COL5A1: variants seen among roughly 807,000 people sequenced by gnomAD.
COL5A1 encodes the protein collagen type V alpha 1 chain.
COL5A1 carries 16 observed loss-of-function variants against 263.7 expected under a neutral mutation model. The ratio of observed to expected loss-of-function variants is 0.06; its 90% CI spans 0.04 to 0.09. The LOEUF (loss-of-function observed/expected upper bound fraction) is 0.09, where lower values mean the gene tolerates loss of function less well. Ranked by LOEUF, COL5A1 falls within the 10% of genes least tolerant of loss-of-function variation. COL5A1 has a pLI of 1.00. For synonymous variants in COL5A1, 1,012 were observed against 1,004.5 expected (o/e 1.01, Z -0.14); for missense variants, 2,036 against 2,540.5 (o/e 0.80, Z 4.27).
At chr9:134,796,575 T>C (rs1837917358) in intron 35 of COL5A1, among the ~76,000 whole-genome samples, 157 bp downstream of exon 35, 1 of 152,132 alleles carries the variant, frequency 6.6e-6, no homozygotes, top group Non-Finnish European at 1.5e-5. Context: ...GGTCACGCCC[T>C]GGGAGTGAAC....
rs1258365567 is a variant in COL5A1 at position 134,742,895 on chromosome 9, A to G, written c.1494+4087A>G. 6.6e-6 allele frequency among the ~76,000 whole-genome samples: 1 copy of G among 152,146 alleles called. No individual in the cohort carries two copies. Among genetic ancestry groups the G allele is most frequent in the Admixed American group, 6.5e-5 (1 of 15,282 alleles). On this transcript the variant is annotated intron_variant, in intron 11 of 65. Coordinates refer to ENST00000371817, the MANE Select transcript of COL5A1 (RefSeq NM_000093.5). This position sits in a 1 kb window ranked among gnomAD's most constrained non-coding sequence, Gnocchi z 4.6. ...CTGGGCTCCTCGGGCAGGTGGGGGAAGGAGAGGGCTGGGGACCATCAGTAA... is the reference window on the plus strand; with the variant it reads ...CTGGGCTCCTCGGGCAGGTGGGGGAGGGAGAGGGCTGGGGACCATCAGTAA...
At chr9:134,839,555 C>A (rs1006938709) in intron 65 of COL5A1, among the ~76,000 whole-genome samples, 1 of 152,188 alleles carries the variant, frequency 6.6e-6, no homozygotes, top group African/African-American at 2.4e-5. Context: ...CGGGCAGCGC[C>A]CTGCTGGCTT....
intron 7 of COL5A1, among the ~76,000 whole-genome samples, chr9:134,730,957 G>A (rs551285569): frequency 1.5e-3 from 233 of 152,328 alleles, no homozygotes; most frequent in African/African-American, 5.1e-3. Context: ...AGCTCTGCCC[G>A]AGACCTTGGA....
intron 4 of COL5A1, among the ~76,000 whole-genome samples, chr9:134,721,042 G>A (rs1834430982): frequency 6.6e-6 from 1 of 152,138 alleles, no homozygotes; most frequent in Non-Finnish European, 1.5e-5. Context: ...TTCCGCGGGT[G>A]TCACCTGCTG....
chr9:134,694,845 G>GCAC (rs1351606177), intron 2 of COL5A1, among the ~76,000 whole-genome samples: 2 of 152,254 alleles, frequency 1.3e-5, no homozygotes, highest in African/African-American at 4.8e-5. Context: ...TCGCCTCACG[G>GCAC]TGAGGTGGCC....
Position 134,765,704 on chromosome 9 carries a change from G to T in COL5A1, c.2058G>T (p.Pro686=). The stretch of plus-strand genomic sequence containing the variant: ...AGGGGCCACGTGGTCTGCTTGGGCC[G>T]AAGGGGCCCCCAGGTCCTCCCGGAC... ...GEPGPRGLLG[P]KGPPGPPGPP... Residue 686 remains proline, a synonymous_variant, in exon 21 of 66, where the codon CCG becomes CCT. Transcript: ENST00000371817. The surrounding 1 kb of genome is among the most constrained non-coding windows in gnomAD (Gnocchi z 5.1). The T allele has an allele frequency of 6.2e-7, 1 of 1,613,570 alleles. No homozygotes were observed. Among genetic ancestry groups the T allele is most frequent in the Non-Finnish European group, 8.5e-7 (1 of 1,179,676 alleles).
intron 5 of COL5A1, 69 bp downstream of exon 5, chr9:134,727,466 CAT>C (rs1834704696): frequency 6.4e-7 from 1 of 1,560,580 alleles, no homozygotes; most frequent in Non-Finnish European, 8.8e-7. Flanking sequence ...TGAAGAGACA[CAT>C]AAGCCATGGG....
chr9:134,708,734 T>C (rs374870099), intron 4 of COL5A1: 1 of 497,506 alleles, frequency 2.0e-6, no homozygotes. Context: ...CTCTGCATGA[T>C]CTCCTGGGAC....
Position 134,716,458 on chromosome 9 carries a change from CAA to C in COL5A1, c.655-10807_655-10806del, listed in dbSNP as rs2132610868. 6.6e-6 allele frequency among the ~76,000 whole-genome samples: 1 copy of C among 152,212 alleles called. No individual in the cohort carries two copies. The highest frequency in any genetic ancestry group is 2.4e-5 in the African/African-American group (1 of 41,504). ...TCTGCAGGCCCGCTGCTCCGAAAGT[CAA>C]GATGTGGAGAAGGAGCAGCTCAAGC... On this transcript the variant is annotated intron_variant, in intron 4 of 65. Coordinates refer to ENST00000371817, the MANE Select transcript of COL5A1 (RefSeq NM_000093.5). The surrounding 1 kb of genome is among the most constrained non-coding windows in gnomAD (Gnocchi z 4.5).
chr9:134,816,018 G>A, intron 52 of COL5A1, 30 bp downstream of exon 52: 1 of 1,611,714 alleles, frequency 6.2e-7, no homozygotes, highest in Non-Finnish European at 8.5e-7. Context: ...TGGCTTCCTG[G>A]TGGAGGTGTC....
At chr9:134,719,656 A>G (rs1159245463) in intron 4 of COL5A1, among the ~76,000 whole-genome samples, 1 of 152,222 alleles carries the variant, frequency 6.6e-6, no homozygotes, top group Non-Finnish European at 1.5e-5. Context: ...GGACAGGGGC[A>G]GGGCGGCACA....
At chr9:134,655,230 C>T (rs113188605) in intron 1 of COL5A1, among the ~76,000 whole-genome samples, 6 of 151,718 alleles carry the variant, frequency 4.0e-5, no homozygotes, top group East Asian at 1.9e-4. Context: ...CTGGTTTATC[C>T]GAATGCACTG....
At chr9:134,689,693 C>T (rs567515587) in intron 1 of COL5A1, among the ~76,000 whole-genome samples, 1 of 152,308 alleles carries the variant, frequency 6.6e-6, no homozygotes, top group South Asian at 2.1e-4. Flanking sequence ...GCTGGTCTCA[C>T]GTCCATCCCT....
In COL5A1 at chr9:134,842,547, G is replaced by A. The variant is rs1051404184; in HGVS notation, c.*244G>A. On this transcript the variant is annotated 3_prime_UTR_variant, in exon 66 of 66. Transcript: ENST00000371817. This position sits in a 1 kb window ranked among gnomAD's most constrained non-coding sequence, Gnocchi z 5.8. ...TAGCTGCACCCCAGCGCCTGGGCCC[G>A]CCCCACGCTCTGTCCACACCCACGC... is the stretch of plus-strand genomic sequence containing the variant. The A allele has an allele frequency of 7.0e-5, 42 of 598,708 alleles. No individual in the cohort carries two copies. The highest frequency in any genetic ancestry group is 3.9e-4 in the South Asian group (20 of 51,160). The allele number at this position is 598,708 out of a possible 1,614,324, so 37.1% of individuals were successfully genotyped here.
chr9:134,652,088 G>A lies in COL5A1; in HGVS notation c.109+9792G>A, dbSNP rs1373318657. 6.6e-6 allele frequency among the ~76,000 whole-genome samples: 1 copy of A among 152,116 alleles called. No homozygotes were observed. The highest frequency in any genetic ancestry group is 1.5e-5 in the Non-Finnish European group (1 of 68,026). ...GAGCCTTTGGCTACAGAGTGTTCCCGCGGTCGAGGTGGGGTGAAGGGCGTT... is the reference window on the plus strand; with the variant it reads ...GAGCCTTTGGCTACAGAGTGTTCCCACGGTCGAGGTGGGGTGAAGGGCGTT... On this transcript the variant is annotated intron_variant, in intron 1 of 65. Transcript: ENST00000371817. The surrounding 1 kb of genome is among the most constrained non-coding windows in gnomAD (Gnocchi z 4.4).
intron 1 of COL5A1, among the ~76,000 whole-genome samples, chr9:134,663,148 T>G (rs1452593910): frequency 1.3e-5 from 2 of 152,224 alleles, no homozygotes; most frequent in Non-Finnish European, 2.9e-5. Flanking sequence ...CTGTGCTGGG[T>G]GCATCCATCG....
At chr9:134,731,350 G>A in intron 7 of COL5A1, 146 bp from the exon 8 acceptor site, 1 of 832,572 alleles carries the variant, frequency 1.2e-6, no homozygotes, top group Non-Finnish European at 2.0e-6. Context: ...AGTTGACCGG[G>A]TAGCCATGGT....
intron 9 of COL5A1, chr9:134,732,563 G>C (rs60665807): frequency 0.21 from 57,454 of 275,506 alleles, 6,516 homozygotes; most frequent in East Asian, 0.37. Flanking sequence ...ACCTCTCTGC[G>C]TCTGTTATGC....
rs1025207654 is a variant in COL5A1 at position 134,678,452 on chromosome 9, C to T, written c.110-12460C>T. Among the ~76,000 whole-genome samples, 6 of 152,240 alleles carry T rather than the reference C, an allele frequency of 3.9e-5. No individual in the cohort carries two copies. The highest frequency in any genetic ancestry group is 1.3e-4 in the Admixed American group (2 of 15,290). On this transcript the variant is annotated intron_variant, in intron 1 of 65. Coordinates refer to ENST00000371817, the MANE Select transcript of COL5A1 (RefSeq NM_000093.5). This position sits in a 1 kb window ranked among gnomAD's most constrained non-coding sequence, Gnocchi z 5.5. ...AGGCTCATTGCAGTGGCCTGCCGCC[C>T]CGGTGTGTGTCCCTGACTCAGGGGT...
Sources: allele counts gnomAD v4.1 joint callset (sites outside exome capture counted in the v4.1 genomes callset), GRCh38; gene constraint gnomAD v4.1.1; non-coding constraint Gnocchi (gnomAD v3.1); transcripts MANE v1.5; gene names NCBI Gene and HGNC (gene_info 2026-07-23, HGNC 2026-07-21).